SYCE1: variants seen among roughly 807,000 people sequenced by gnomAD.
SYCE1 encodes the protein cancer/testis antigen 76.
In SYCE1, 37 loss-of-function variants were observed where a neutral mutation model predicts 55.1. That is an observed-to-expected ratio of 0.67 (90% CI 0.52 to 0.88). SYCE1 has a LOEUF of 0.88. Among genes scored for constraint, SYCE1 ranks in the 40% least tolerant of loss-of-function variants. The pLI is 0.00. For missense variants in SYCE1, 399 were observed against 416.4 expected, an observed-to-expected ratio of 0.96 and a Z score of 0.36; for synonymous variants, 163 against 159.4, an observed-to-expected ratio of 1.02 and a Z score of -0.17.
rs899801566 is a variant in SYCE1, at chr10:133,565,565, G to A, written c.-36C>T. 1 of 1,544,316 alleles carries A rather than the reference G, an allele frequency of 6.5e-7. No individual in the cohort carries two copies. On this transcript the variant is annotated 5_prime_UTR_variant, in exon 1 of 13. Transcript: ENST00000343131. ...CTCGCCAGCGAGGGTGCCTCGGGAG[G>A]GAGCCTCCAGTGGTGATTGGAGCAA...
At chr10:133,565,713 AGGG>A (rs1851917967), upstream of SYCE1, 2 of 583,816 alleles carry the variant, frequency 3.4e-6, no homozygotes, top group African/African-American at 3.9e-5. Flanking sequence ...TAAAGGCGCG[AGGG>A]CTACAAACGC....
At chr10:133,556,313 T>G (rs931070408) in intron 8 of SYCE1, 8 of 571,028 alleles carry the variant, frequency 1.4e-5, no homozygotes, top group South Asian at 2.2e-5. Flanking sequence ...GCAAGCACTG[T>G]GAGTCTTGGC....
chr10:133,567,348 G>T (rs567903550), upstream of SYCE1, among the ~76,000 whole-genome samples: 1 of 151,674 alleles, frequency 6.6e-6, no homozygotes, highest in South Asian at 2.1e-4. Flanking sequence ...CTTGAGGTGG[G>T]GGTTAGGTGT....
chr10:133,553,994 T>G (rs1381713338), downstream of SYCE1: 5 of 276,294 alleles, frequency 1.8e-5, no homozygotes, highest in East Asian at 6.2e-5. Flanking sequence ...CAATCATTGG[T>G]TGATTTCTTA....
chr10:133,565,657 G>C (rs1476359681), upstream of SYCE1: 8 of 867,970 alleles, frequency 9.2e-6, no homozygotes, highest in Non-Finnish European at 5.1e-6. Context: ...GCCTGGAGAT[G>C]TGAGGTAATT....
At position 133,565,491 on chromosome 10, in the gene SYCE1, G is replaced by A. The variant is rs969779247; in HGVS notation, c.39C>T (p.Thr13=). 3 of 1,549,972 alleles carry A rather than the reference G, an allele frequency of 1.9e-6. No homozygotes were observed. The highest frequency in any genetic ancestry group is 2.4e-5 in the East Asian group (1 of 40,856). ...TCTCAGCCCTGTCCACGGCTCCTGC[G>A]GTGGGCTCGGCCTTCGATGTCAGGG... ...GRSLTSKAEP[T]AGAVDRAEKA... is the part of the protein sequence containing the mutation. The change falls in exon 1 of 13, where the codon ACC becomes ACT. Residue 13 remains threonine, a synonymous_variant. Coordinates refer to ENST00000343131, the MANE Select transcript of SYCE1 (RefSeq NM_001143764.3).
chr10:133,557,206 G>A (rs1408773453), intron 6 of SYCE1, 50 bp from the exon 7 acceptor site: 1 of 1,527,410 alleles, frequency 6.5e-7, no homozygotes, highest in East Asian at 2.3e-5. Flanking sequence ...GCCCCAGGAG[G>A]GCACTGGGCT....
intron 1 of SYCE1, chr10:133,564,462 G>T: frequency 1.0e-6 from 1 of 984,076 alleles, no homozygotes; most frequent in African/African-American, 1.7e-5. Context: ...GCACACCGGC[G>T]GGCCAGCAGG....
upstream of SYCE1, chr10:133,567,775 G>T (rs1462858214): frequency 2.1e-5 from 7 of 326,026 alleles, no homozygotes; most frequent in Non-Finnish European, 3.7e-5. Context: ...TCTGGAGTGT[G>T]GCTGGGCTGT....
rs889352214 is a variant in SYCE1, at chr10:133,555,877, C to T, written c.622G>A (p.Asp208Asn). ...AGGGAGCACAGCTGATGCTTCACGT[C>T]TTCCAGTGTCGCCTTGACCAGCTTC... ...EEKLVKATLE[D>N]VKHQLCSLCG... The change falls in exon 10 of 13, where the codon GAC (aspartate) becomes AAC (asparagine). Residue 208 changes from aspartate to asparagine, a missense_variant. Asp to Asn is a conservative substitution (Grantham distance 23). Coordinates refer to ENST00000343131, the MANE Select transcript of SYCE1 (RefSeq NM_001143764.3). 6.2e-7 allele frequency: 1 copy of T among 1,614,064 alleles called. No homozygotes were observed. Among genetic ancestry groups the T allele is most frequent in the East Asian group, 2.2e-5 (1 of 44,882 alleles).
intron 7 of SYCE1, 39 bp downstream of exon 7, chr10:133,557,028 T>TGGCCATCCAAACCCCC: frequency 1.3e-6 from 2 of 1,588,070 alleles, no homozygotes; most frequent in Non-Finnish European, 1.7e-6. Flanking sequence ...TCCCAACTAC[T>TGGCCATCCAAACCCCC]GGCCATCCAA....
intron 1 of SYCE1, among the ~76,000 whole-genome samples, chr10:133,563,823 A>G (rs1357248590): frequency 6.6e-6 from 1 of 152,188 alleles, no homozygotes; most frequent in Non-Finnish European, 1.5e-5. Context: ...GTTTTAAATT[A>G]TTCAAGTAAT....
upstream of SYCE1, among the ~76,000 whole-genome samples, chr10:133,567,050 G>A (rs1173039879): frequency 6.6e-6 from 1 of 151,676 alleles, no homozygotes; most frequent in Non-Finnish European, 1.5e-5. Flanking sequence ...GCATAGGTTC[G>A]AGTTTGGGTT....
chr10:133,557,591 C>T (rs1223990462), intron 6 of SYCE1: 11 of 549,112 alleles, frequency 2.0e-5, no homozygotes, highest in Non-Finnish European at 2.9e-5. Context: ...GAATAGACAT[C>T]CAAGGAGTAT....
chr10:133,558,531 A>T (rs1851744562), intron 4 of SYCE1: 1 of 534,314 alleles, frequency 1.9e-6, no homozygotes, highest in African/African-American at 1.9e-5. Flanking sequence ...GGGGCATGTG[A>T]CCAGATGGAG....
At chr10:133,554,584 G>A (rs1851604961), downstream of SYCE1, 2 of 676,990 alleles carry the variant, frequency 3.0e-6, no homozygotes, top group Admixed American at 4.2e-5. Flanking sequence ...CTAACCAGTG[G>A]GGACTACCAT....
chr10:133,559,491 C>G (rs1298072261), intron 2 of SYCE1, 131 bp from the exon 3 acceptor site: 2 of 846,728 alleles, frequency 2.4e-6, no homozygotes, highest in African/African-American at 3.3e-5. Context: ...TCTGTGGGGC[C>G]CTCACGGGGC....
chr10:133,565,823 C>T (rs1443952745), upstream of SYCE1, among the ~76,000 whole-genome samples: 2 of 152,362 alleles, frequency 1.3e-5, no homozygotes, highest in Admixed American at 1.3e-4. Flanking sequence ...CCGAGGGGAC[C>T]GGCCCTGGTT....
upstream of SYCE1, among the ~76,000 whole-genome samples, chr10:133,567,256 C>G (rs1216652160): frequency 2.7e-5 from 4 of 149,670 alleles, no homozygotes; most frequent in African/African-American, 9.9e-5. Flanking sequence ...GGTTCAGGGT[C>G]AAGTTTAGGG....
Sources: allele counts gnomAD v4.1 joint callset (sites outside exome capture counted in the v4.1 genomes callset), GRCh38; gene constraint gnomAD v4.1.1; transcripts MANE v1.5; gene names NCBI Gene and HGNC (gene_info 2026-07-23, HGNC 2026-07-21).